Variants in NFIB observed in about 807,000 individuals in gnomAD.
NFIB encodes nuclear factor I B.
A neutral mutation model predicts 61.5 loss-of-function variants in NFIB; 11 were observed. The observed-to-expected ratio is 0.18, with a 90% CI of 0.11 to 0.30. NFIB has a LOEUF of 0.30. NFIB is among the 10% of genes least tolerant of loss of function. The probability of loss-of-function intolerance (pLI) is 1.00; values close to 1 mark genes in which losing one functional copy is unlikely to be tolerated. For synonymous variants in NFIB, 260 were observed against 216.5 expected, an observed-to-expected ratio of 1.20 and a Z score of -1.76; for missense variants, 471 against 608.9, an observed-to-expected ratio of 0.77 and a Z score of 2.38.
chr9:14,108,225 C>T (rs1270600378), intron 10 of NFIB, among the ~76,000 whole-genome samples: 1 of 152,016 alleles, frequency 6.6e-6, no homozygotes, highest in African/African-American at 2.4e-5. Context: ...ACAATAAGAA[C>T]AGCCCAAGTG....
At chr9:14,288,301 A>C (rs2058848800) in intron 2 of NFIB, among the ~76,000 whole-genome samples, 2 of 152,100 alleles carry the variant, frequency 1.3e-5, no homozygotes, top group Admixed American at 1.3e-4. Flanking sequence ...AACTATATTT[A>C]AGAATAATTT....
chr9:14,242,366 A>T (rs1276326874), intron 2 of NFIB, among the ~76,000 whole-genome samples: 1 of 152,206 alleles, frequency 6.6e-6, no homozygotes, highest in Non-Finnish European at 1.5e-5. Flanking sequence ...ATTCCTTCAG[A>T]CTTACAAAAG....
In NFIB at chr9:14,388,367, AGAAGGAAGGAAGGAAGGAAG is replaced by A. The variant is rs55755915; in HGVS notation, c.108+10137_108+10156del. ...GAGACCTTTTCAAAAAGAGAAAGAA[AGAAGGAAGGAAGGAAGGAAG>A]GAAGGAAGGAAGGAAGGAAGGAAGG... On this transcript the variant is annotated intron_variant, in intron 1 of 8. Transcript: ENST00000380934. 9.3e-3 allele frequency among the ~76,000 whole-genome samples: 1,233 copies of A among 131,906 alleles called. 34 individuals carry two copies. The highest frequency in any genetic ancestry group is 0.034 in the African/African-American group (1,132 of 33,614). 86.5% of individuals were successfully genotyped at this position (131,906 alleles called of 152,430 possible).
At chr9:14,219,406 T>C (rs201217956) in intron 2 of NFIB, among the ~76,000 whole-genome samples, 2 of 30,880 alleles carry the variant, frequency 6.5e-5, no homozygotes, top group Admixed American at 5.1e-4. Context: ...AAAAAAAAAG[T>C]CTAAGTTGAA....
chr9:14,291,857 T>C (rs983179593), intron 2 of NFIB, among the ~76,000 whole-genome samples: 9 of 152,122 alleles, frequency 5.9e-5, no homozygotes, highest in Non-Finnish European at 1.2e-4. Context: ...CTTATGTTAT[T>C]GGAAAATTGG....
chr9:14,306,276 A>C (rs1388870233), intron 2 of NFIB, among the ~76,000 whole-genome samples: 1 of 152,138 alleles, frequency 6.6e-6, no homozygotes, highest in Non-Finnish European at 1.5e-5. Flanking sequence ...AAGTTTTATG[A>C]ATTTACATAC....
At chr9:14,160,131 A>G (rs1206161895) in intron 3 of NFIB, among the ~76,000 whole-genome samples, 1 of 152,204 alleles carries the variant, frequency 6.6e-6, no homozygotes, top group Non-Finnish European at 1.5e-5. Flanking sequence ...TAAAAAAAAT[A>G]AAATTGAGTA....
intron 10 of NFIB, among the ~76,000 whole-genome samples, chr9:14,106,582 G>A (rs1554633851): frequency 6.6e-6 from 1 of 152,018 alleles, no homozygotes; most frequent in Non-Finnish European, 1.5e-5. Flanking sequence ...AAGAAAAAAA[G>A]AAAAAGGATA....
At chr9:14,288,099 G>A (rs1338716771) in intron 2 of NFIB, among the ~76,000 whole-genome samples, 1 of 151,872 alleles carries the variant, frequency 6.6e-6, no homozygotes, top group Non-Finnish European at 1.5e-5. Context: ...TTTTTTAATT[G>A]CCTATAGAAT....
At chr9:14,098,004 G>A (rs1305145526) in intron 10 of NFIB, among the ~76,000 whole-genome samples, 1 of 148,690 alleles carries the variant, frequency 6.7e-6, no homozygotes, top group African/African-American at 2.5e-5. Context: ...CAATTTCTTA[G>A]AAAAACATGT....
intron 1 of NFIB, among the ~76,000 whole-genome samples, chr9:14,341,510 G>C (rs577519045): frequency 5.3e-5 from 8 of 152,304 alleles, no homozygotes; most frequent in African/African-American, 1.7e-4. Context: ...AGGATCAGAA[G>C]TGCTGGGAAG....
At chr9:14,171,869 G>C (rs987116050) in intron 3 of NFIB, among the ~76,000 whole-genome samples, 1 of 152,068 alleles carries the variant, frequency 6.6e-6, no homozygotes, top group Admixed American at 6.6e-5. Flanking sequence ...ACATCTAGGA[G>C]AAAAGGTTAA....
the NFIB span, among the ~76,000 whole-genome samples, chr9:14,469,112 G>A: frequency 4.7e-4 from 71 of 152,218 alleles, no homozygotes; most frequent in African/African-American, 1.5e-3. Context: ...CCTTTGTCTC[G>A]ATCAAGACTA....
chr9:14,250,089 G>A (rs1251780447), intron 2 of NFIB, among the ~76,000 whole-genome samples: 1 of 152,086 alleles, frequency 6.6e-6, no homozygotes, highest in Non-Finnish European at 1.5e-5. Flanking sequence ...TTAAAACTCA[G>A]TTACAAATTT....
At chr9:14,527,282 C>G in the NFIB span, among the ~76,000 whole-genome samples, 1 of 152,074 alleles carries the variant, frequency 6.6e-6, no homozygotes, top group Non-Finnish European at 1.5e-5. Context: ...TTTCTTTTTA[C>G]TCAGATATCA....
At chr9:14,133,124 C>A (rs1305645323) in intron 6 of NFIB, among the ~76,000 whole-genome samples, 1 of 152,156 alleles carries the variant, frequency 6.6e-6, no homozygotes, top group Non-Finnish European at 1.5e-5. Flanking sequence ...GATACACCCT[C>A]ATAATTTTCA....
At chr9:14,356,264 G>T (rs2132931508) in intron 1 of NFIB, among the ~76,000 whole-genome samples, 1 of 152,232 alleles carries the variant, frequency 6.6e-6, no homozygotes, top group East Asian at 1.9e-4. Context: ...CTTGAAGTGG[G>T]AAAAAGAAAG....
chr9:14,325,288 T>A (rs1205480422), intron 1 of NFIB, among the ~76,000 whole-genome samples: 3 of 152,174 alleles, frequency 2.0e-5, no homozygotes, highest in African/African-American at 7.2e-5. Flanking sequence ...ATGACATTTT[T>A]TTCTGCCTTA....
At chr9:14,493,303 C>A in the NFIB span, among the ~76,000 whole-genome samples, 1 of 151,962 alleles carries the variant, frequency 6.6e-6, no homozygotes, top group East Asian at 1.9e-4. Flanking sequence ...GATTGGCTAG[C>A]AGTTATAAAT....
Sources: gnomAD v4.1 joint callset for allele counts (sites outside exome capture counted in the v4.1 genomes callset) on GRCh38, gnomAD v4.1.1 for gene constraint, MANE v1.5 for transcripts, NCBI Gene and HGNC (gene_info 2026-07-23, HGNC 2026-07-21) for gene names.